The following CD8A variants were observed in gnomAD, a reference collection of about 807,000 sequenced individuals.
CD8A encodes the protein CD8 subunit alpha.
A neutral mutation model predicts 24.2 loss-of-function variants in CD8A; 25 were observed. That is an observed-to-expected ratio of 1.03 (90% CI 0.75 to 1.44). The LOEUF (loss-of-function observed/expected upper bound fraction) is 1.44. Among genes scored for constraint, CD8A ranks in the 40% most tolerant of loss-of-function variants. CD8A has a pLI of 0.00. For missense variants in CD8A, 360 were observed against 319.7 expected (o/e 1.13, Z -0.96); for synonymous variants, 165 against 149.9 (o/e 1.10, Z -0.74).
intron 2 of CD8A, among the ~76,000 whole-genome samples, chr2:86,802,513 G>T (rs927681333): frequency 2.6e-5 from 4 of 152,196 alleles, no homozygotes; most frequent in Non-Finnish European, 5.9e-5. Flanking sequence ...TGGCAGAGAA[G>T]TATGAAATAT....
chr2:86,791,592 G>A, upstream of CD8A: 1 of 454,190 alleles, frequency 2.2e-6, no homozygotes, highest in Non-Finnish European at 4.4e-6. Flanking sequence ...CTCCAGCCAC[G>A]TTGTTATAAA....
At chr2:86,798,559 G>C (rs193177550) in intron 3 of CD8A, among the ~76,000 whole-genome samples, 2 of 149,650 alleles carry the variant, frequency 1.3e-5, no homozygotes, top group East Asian at 3.9e-4. Flanking sequence ...GTCTAGCTCT[G>C]TTGCCCAGGC....
chr2:86,789,208 G>A, intron 4 of CD8A, 115 bp downstream of exon 4: 1 of 764,956 alleles, frequency 1.3e-6, no homozygotes. Flanking sequence ...GGGCAGCTCG[G>A]GAGTCCCAGA....
chr2:86,787,081 C>CATT (rs1553430196), intron 5 of CD8A, among the ~76,000 whole-genome samples: 1 of 91,886 alleles, frequency 1.1e-5, no homozygotes, highest in South Asian at 3.8e-4. Flanking sequence ...TCCCCCCCCA[C>CATT]TTTTTTTTTT....
chr2:86,787,455 T>C (rs1673065821), intron 5 of CD8A, among the ~76,000 whole-genome samples: 1 of 152,148 alleles, frequency 6.6e-6, no homozygotes, highest in African/African-American at 2.4e-5. Flanking sequence ...CAGTCGGTTA[T>C]CCTTAACACT....
chr2:86,807,425 G>GC (rs1320513952), intron 2 of CD8A: 1 of 152,448 alleles, frequency 6.6e-6, no homozygotes, highest in African/African-American at 2.4e-5. Context: ...TCTCCCCTGT[G>GC]CCCCAACAAT....
At chr2:86,790,736 G>A in intron 1 of CD8A, 41 bp downstream of exon 1, 3 of 658,526 alleles carry the variant, frequency 4.6e-6, no homozygotes, top group Non-Finnish European at 6.9e-6. Flanking sequence ...CCCGCCCCCC[G>A]CCCGCCCCAT....
At chr2:86,801,607 A>G (rs1470906499) in exon 3 of CD8A, 1 of 152,100 alleles carries the variant, frequency 6.6e-6, no homozygotes, top group African/African-American at 2.4e-5. Flanking sequence ...CTTGGCCTCC[A>G]AAATGCTGGG....
upstream of CD8A, among the ~76,000 whole-genome samples, chr2:86,793,773 G>A (rs1282862872): frequency 6.6e-6 from 1 of 152,140 alleles, no homozygotes; most frequent in African/African-American, 2.4e-5. Flanking sequence ...CAGATTTGGG[G>A]GTGTACTGCT....
upstream of CD8A, chr2:86,791,231 G>A (rs1463322140): frequency 1.7e-5 from 7 of 406,030 alleles, no homozygotes; most frequent in African/African-American, 1.2e-4. Flanking sequence ...AAGGAGGGGA[G>A]TGTCCCTTCC....
At chr2:86,798,814 G>A (rs989461424) in intron 3 of CD8A, among the ~76,000 whole-genome samples, 1 of 152,144 alleles carries the variant, frequency 6.6e-6, no homozygotes, top group Non-Finnish European at 1.5e-5. Flanking sequence ...GAACCACTGT[G>A]CCCAGCCTGC....
chr2:86,798,791 G>A (rs1673567121), intron 3 of CD8A, among the ~76,000 whole-genome samples: 1 of 152,016 alleles, frequency 6.6e-6, no homozygotes, highest in African/African-American at 2.4e-5. Context: ...CAAAGTGCTG[G>A]GATTACAGGC....
rs1215491737 is a variant in CD8A, at chr2:86,798,178, CTT to C, written c.-271+3331_-271+3332del. Among the ~76,000 whole-genome samples, 685 of 142,774 alleles carry C rather than the reference CTT, an allele frequency of 4.8e-3. 4 individuals are homozygous for C. The highest frequency in any genetic ancestry group is 0.016 in the African/African-American group (616 of 39,162). The allele number at this position is 142,774 out of a possible 152,430, so 93.7% of individuals were successfully genotyped here. ...ATTCATAAGGAACAGAGCTTTCTTTCTTTTTTTTTTTTTTGAGATGGAGTTTC... is the reference window on the plus strand; with the variant it reads ...ATTCATAAGGAACAGAGCTTTCTTTCTTTTTTTTTTTTGAGATGGAGTTTC... On this transcript the variant is annotated intron_variant, in intron 3 of 8. Coordinates refer to the CD8A transcript ENST00000409511.
intron 3 of CD8A, among the ~76,000 whole-genome samples, chr2:86,798,389 G>C (rs1159875440): frequency 6.6e-6 from 1 of 151,850 alleles, no homozygotes; most frequent in African/African-American, 2.4e-5. Flanking sequence ...TGGTCAGGCT[G>C]GTCTCGAACT....
At chr2:86,805,316 G>C (rs1228660605) in intron 2 of CD8A, among the ~76,000 whole-genome samples, 1 of 152,154 alleles carries the variant, frequency 6.6e-6, no homozygotes, top group East Asian at 1.9e-4. Context: ...TTTCTCTAGG[G>C]TGTTTTCCTG....
intron 2 of CD8A, among the ~76,000 whole-genome samples, chr2:86,802,426 G>T (rs993694402): frequency 6.6e-6 from 1 of 152,152 alleles, no homozygotes; most frequent in Non-Finnish European, 1.5e-5. Flanking sequence ...TAGTCGCAAT[G>T]ATGACATAAT....
chr2:86,805,941 CTT>C (rs758465058), intron 2 of CD8A, among the ~76,000 whole-genome samples: 38 of 151,704 alleles, frequency 2.5e-4, no homozygotes, highest in Admixed American at 1.9e-3. Flanking sequence ...CTCTCTCTCT[CTT>C]TCTTTTTCTT....
At position 86,790,881 on chromosome 2, in the gene CD8A, C is replaced by G. The variant is rs375219408; in HGVS notation, c.-56G>C. ...AAGCTCGGGCGCGAGGGGAGGCGCG[C>G]GGGAGCCGGTGGGGCGCCGAGGGGG... On this transcript the variant is annotated 5_prime_UTR_variant, in exon 1 of 6. Coordinates refer to ENST00000283635, the MANE Select transcript of CD8A (RefSeq NM_001768.7). The G allele has an allele frequency of 8.7e-5, 131 of 1,511,102 alleles. 1 individual carries two copies. In the African/African-American group the frequency reaches 1.6e-3, roughly 19 times the overall value. 93.6% of individuals were successfully genotyped at this position (1,511,102 alleles called of 1,614,324 possible).
intron 5 of CD8A, among the ~76,000 whole-genome samples, chr2:86,787,246 C>T (rs1673057611): frequency 1.3e-5 from 2 of 151,606 alleles, no homozygotes; most frequent in African/African-American, 2.4e-5. Context: ...CAATACCCGG[C>T]TCATTTTCAA....
Sources: gnomAD v4.1 joint callset for allele counts (sites outside exome capture counted in the v4.1 genomes callset) on GRCh38, gnomAD v4.1.1 for gene constraint, MANE v1.5 for transcripts, NCBI Gene and HGNC (gene_info 2026-07-23, HGNC 2026-07-21) for gene names.